The following RTL9 variants were observed in gnomAD, a reference collection of about 807,000 sequenced individuals.
RTL9 encodes retrotransposon Gag-like protein 9.
A neutral mutation model predicts 44.7 loss-of-function variants in RTL9; 19 were observed. The ratio of observed to expected loss-of-function variants is 0.42; its 90% CI spans 0.30 to 0.62. RTL9 has a LOEUF of 0.62. RTL9 is among the 20% of genes least tolerant of loss of function. The pLI is 0.16. For synonymous variants in RTL9, 407 were observed against 398.9 expected, an observed-to-expected ratio of 1.02 and a Z score of -0.24; for missense variants, 1,105 against 1,080.6, an observed-to-expected ratio of 1.02 and a Z score of -0.32.
chrX:110,377,846 A>G (rs1299396606), intron 1 of RTL9, among the ~76,000 whole-genome samples: 2 of 107,717 alleles, frequency 1.9e-5, no homozygotes, highest in African/African-American at 3.4e-5. Flanking sequence ...CGTCTCTACT[A>G]AAAATACAAA....
At chrX:110,421,914 A>T (rs1353588698) in intron 1 of RTL9, among the ~76,000 whole-genome samples, 1 of 112,837 alleles carries the variant, frequency 8.9e-6, no homozygotes, top group Non-Finnish European at 1.9e-5. Context: ...GCCAAATCCC[A>T]ATGGCCATGG....
At chrX:110,403,467 C>T (rs1354467291) in intron 1 of RTL9, among the ~76,000 whole-genome samples, 1 of 111,463 alleles carries the variant, frequency 9.0e-6, no homozygotes, top group Non-Finnish European at 1.9e-5. Flanking sequence ...CACACACACA[C>T]GCATGCGCGC....
exon 1 of RTL9, chrX:110,454,386 C>T (rs764921640): frequency 5.8e-6 from 7 of 1,210,815 alleles, no homozygotes; most frequent in Non-Finnish European, 7.8e-6. Flanking sequence ...CACTGACTTC[C>T]TGCTGCTGGC....
rs755663770 is a variant in RTL9 at position 110,432,614 on chromosome X, G to A, written c.-167-12539G>A. ...TGTATTGTGTGCTGGCTGCAGCCTC[G>A]CTGCTCTGAAACCCCTCCTGTCCCT... On this transcript the variant is annotated intron_variant, in intron 1 of 3. Transcript: ENST00000465301. Among the ~76,000 whole-genome samples the A allele has an allele frequency of 4.5e-4, 50 of 111,900 alleles. 1 individual carries two copies. The highest frequency in any genetic ancestry group is 8.6e-4 in the Non-Finnish European group (46 of 53,182).
At chrX:110,432,807 C>T (rs970952728) in intron 1 of RTL9, among the ~76,000 whole-genome samples, 6 of 112,724 alleles carry the variant, frequency 5.3e-5, no homozygotes, top group Non-Finnish European at 9.4e-5. Context: ...AGTGAAGTCC[C>T]AGCACTTGAA....
intron 1 of RTL9, among the ~76,000 whole-genome samples, chrX:110,409,982 C>T (rs776271962): frequency 3.1e-4 from 35 of 112,052 alleles, no homozygotes; most frequent in Non-Finnish European, 5.4e-4. Context: ...GCTCCTAATC[C>T]TCAGAGTCTG....
rs916333454 is a variant in RTL9 at position 110,377,901 on chromosome X, C to T, written c.-168+18985C>T. Reference sequence around the variant, plus strand: ...GCGGGCCCCTGTAGTCCCAGCTACTCGGGAGGCTGAGGCAGGAGAATGGCG... The same window carrying T: ...GCGGGCCCCTGTAGTCCCAGCTACTTGGGAGGCTGAGGCAGGAGAATGGCG... On this transcript the variant is annotated intron_variant, in intron 1 of 2. Coordinates refer to the RTL9 transcript ENST00000520821. 6.8e-5 allele frequency among the ~76,000 whole-genome samples: 7 copies of T among 102,920 alleles called. No homozygotes were observed. In the South Asian group the frequency reaches 1.4e-3, roughly 21 times the overall value. The allele number at this position is 102,920 out of a possible 115,157, so 89.4% of individuals were successfully genotyped here.
chrX:110,369,059 G>A (rs1031123889), intron 1 of RTL9, among the ~76,000 whole-genome samples: 11 of 112,206 alleles, frequency 9.8e-5, no homozygotes, highest in African/African-American at 3.6e-4. Context: ...GTGGCTGTGT[G>A]CGGTGGCTCA....
intron 1 of RTL9, among the ~76,000 whole-genome samples, chrX:110,384,931 T>C (rs181907398): frequency 9.0e-6 from 1 of 111,149 alleles, no homozygotes; most frequent in Non-Finnish European, 1.9e-5. Context: ...GTTTATTTGC[T>C]AATCAACTTT....
chrX:110,367,490 T>A (rs1204306649), intron 1 of RTL9, among the ~76,000 whole-genome samples: 1 of 111,415 alleles, frequency 9.0e-6, no homozygotes, highest in Non-Finnish European at 1.9e-5. Flanking sequence ...TTTATCACTC[T>A]CTCCTTGAAA....
chrX:110,384,818 C>T (rs1331791787), intron 1 of RTL9, among the ~76,000 whole-genome samples: 2 of 110,899 alleles, frequency 1.8e-5, no homozygotes, highest in African/African-American at 6.6e-5. Context: ...GGTGCATACC[C>T]TTCCTGAAAT....
intron 1 of RTL9, among the ~76,000 whole-genome samples, chrX:110,386,457 C>G (rs1159925281): frequency 9.1e-6 from 1 of 110,401 alleles, no homozygotes; most frequent in African/African-American, 3.3e-5. Flanking sequence ...AGTATCTTTT[C>G]ATGTGTTTAT....
Position 110,425,815 on chromosome X carries a change from G to A in RTL9, c.-168+6680G>A, listed in dbSNP as rs774599426. On this transcript the variant is annotated intron_variant, in intron 1 of 3. Transcript: ENST00000465301. ...TGAAGCATCTAGTTCCAGGGCCTGAGCTCTTTAATTCCTATATTTAATGAA... is the reference window on the plus strand; with the variant it reads ...TGAAGCATCTAGTTCCAGGGCCTGAACTCTTTAATTCCTATATTTAATGAA... Among the ~76,000 whole-genome samples, 25 of 112,639 alleles carry A rather than the reference G, an allele frequency of 2.2e-4. No homozygotes were observed. In the East Asian group the frequency reaches 2.8e-3, roughly 13 times the overall value.
chrX:110,365,064 C>T (rs914710817), intron 1 of RTL9, among the ~76,000 whole-genome samples: 1 of 111,619 alleles, frequency 9.0e-6, no homozygotes, highest in African/African-American at 3.3e-5. Flanking sequence ...CCTAGCTGAC[C>T]AGTTGACACT....
intron 1 of RTL9, among the ~76,000 whole-genome samples, chrX:110,400,288 T>C (rs1174272295): frequency 1.9e-5 from 2 of 107,093 alleles, no homozygotes; most frequent in African/African-American, 6.8e-5. Context: ...GCCTCAGTGA[T>C]AGCCAATCCA....
intron 1 of RTL9, among the ~76,000 whole-genome samples, chrX:110,382,209 A>C (rs1352202141): frequency 9.0e-6 from 1 of 111,427 alleles, no homozygotes; most frequent in Non-Finnish European, 1.9e-5. Context: ...AAAACAGAGG[A>C]AACAAACCAC....
At chrX:110,447,267 G>A (rs1242880784), upstream of RTL9, among the ~76,000 whole-genome samples, 3 of 108,404 alleles carry the variant, frequency 2.8e-5, no homozygotes, top group Non-Finnish European at 5.7e-5. Context: ...TTCCTTACCT[G>A]TATACTGAGA....
intron 1 of RTL9, among the ~76,000 whole-genome samples, chrX:110,424,174 T>C (rs182691649): frequency 2.8e-4 from 31 of 111,848 alleles, no homozygotes; most frequent in African/African-American, 9.1e-4. Context: ...AGAGCTAGGA[T>C]TCAAACCCAG....
intron 1 of RTL9, among the ~76,000 whole-genome samples, chrX:110,432,390 A>G (rs1361336891): frequency 8.9e-6 from 1 of 112,112 alleles, no homozygotes; most frequent in Non-Finnish European, 1.9e-5. Context: ...CTGAGAGATC[A>G]GGCAATCCCC....
Sources: gnomAD v4.1 joint callset for allele counts (sites outside exome capture counted in the v4.1 genomes callset) on GRCh38, gnomAD v4.1.1 for gene constraint, MANE v1.5 for transcripts, NCBI Gene and HGNC (gene_info 2026-07-23, HGNC 2026-07-21) for gene names.